Variants in A2ML1 observed in about 807,000 individuals in gnomAD.
A2ML1 encodes the protein alpha-2-macroglobulin-like protein 1.
A neutral mutation model predicts 181.9 loss-of-function variants in A2ML1; 161 were observed. That is an observed-to-expected ratio of 0.89 (90% CI 0.78 to 1.01). The LOEUF (loss-of-function observed/expected upper bound fraction) is 1.01, where lower values mean the gene tolerates loss of function less well. Among genes scored for constraint, A2ML1 ranks in the 50% least tolerant of loss-of-function variants. The pLI, the probability that A2ML1 is intolerant of heterozygous loss-of-function variation, is 0.00. For missense variants in A2ML1, 1,670 were observed against 1,768.1 expected (o/e 0.94, Z 1.00); for synonymous variants, 663 against 666.8 (o/e 0.99, Z 0.09).
At chr12:8,880,055 T>A (rs189541683), downstream of A2ML1, among the ~76,000 whole-genome samples, 43 of 152,194 alleles carry the variant, frequency 2.8e-4, no homozygotes, top group Non-Finnish European at 1.5e-5. Context: ...AAAAAAATGA[T>A]AGAAGAAAGC....
downstream of A2ML1, among the ~76,000 whole-genome samples, chr12:8,877,094 GCTAT>G (rs1204355607): frequency 6.6e-6 from 1 of 152,170 alleles, no homozygotes; most frequent in Non-Finnish European, 1.5e-5. Flanking sequence ...CCCCACATGG[GCTAT>G]CTATCACCTA....
chr12:8,849,186 TATC>T (rs1490544888), intron 16 of A2ML1, among the ~76,000 whole-genome samples: 7 of 152,272 alleles, frequency 4.6e-5, no homozygotes, highest in Admixed American at 2.0e-4. Context: ...AGAGGTCTCT[TATC>T]ATTATTATAA....
chr12:8,851,015 A>G (rs891196534), intron 18 of A2ML1, among the ~76,000 whole-genome samples: 2 of 152,220 alleles, frequency 1.3e-5, no homozygotes, highest in African/African-American at 4.8e-5. Flanking sequence ...TTGGGATTAC[A>G]GGTGTGAGCC....
chr12:8,841,316 A>C (rs1943471559), intron 10 of A2ML1, 53 bp from the exon 11 acceptor site: 1 of 1,546,120 alleles, frequency 6.5e-7, no homozygotes, highest in Non-Finnish European at 8.8e-7. Context: ...TTTACCTCAT[A>C]CTCAAGCTTA....
rs1944369007 is a variant in A2ML1, at chr12:8,864,258, ATCG to A, written c.3717+251_3717+253del. ...CCGGGCATGGTGGCTCATGCCTGTC[ATCG>A]CAGCACTTTGAGAGGCCGAGGCAGG... On this transcript the variant is annotated intron_variant, in intron 29 of 35. Coordinates refer to ENST00000299698, the MANE Select transcript of A2ML1 (RefSeq NM_144670.6). 2.9e-5 allele frequency among the ~76,000 whole-genome samples: 4 copies of A among 136,042 alleles called. No individual in the cohort carries two copies. In the East Asian group the frequency reaches 8.8e-4, roughly 30 times the overall value. 89.2% of individuals were successfully genotyped at this position (136,042 alleles called of 152,430 possible). A position where few individuals can be genotyped will look rare whatever the true frequency, so the allele number is the denominator to read the frequency against.
intron 12 of A2ML1, 65 bp from the exon 13 acceptor site, chr12:8,845,377 G>A (rs1410228128): frequency 5.8e-6 from 9 of 1,558,698 alleles, no homozygotes; most frequent in Non-Finnish European, 7.1e-6. Flanking sequence ...AGATGCTCTG[G>A]AAGTTGGTCC....
chr12:8,887,439 C>T (rs186366899), downstream of A2ML1, among the ~76,000 whole-genome samples: 17 of 152,258 alleles, frequency 1.1e-4, no homozygotes, highest in Admixed American at 7.9e-4. Flanking sequence ...GATAGATAAG[C>T]ATGAGTCGCA....
chr12:8,839,145 A>G lies in A2ML1; in HGVS notation c.1003A>G (p.Ile335Val). ...VEANATQNIYISPQMGSMTFE... is the reference protein window; with the variant it reads ...VEANATQNIYVSPQMGSMTFE... Reference sequence around the variant, plus strand: ...GGCCAATGCCACTCAGAATATCTACATTTCTCCACAAATGGGATCAATGAC... The same window carrying G: ...GGCCAATGCCACTCAGAATATCTACGTTTCTCCACAAATGGGATCAATGAC... Residue 335 changes from isoleucine (I) to valine (V), a missense_variant, in exon 10 of 36, where the codon ATT (isoleucine) becomes GTT (valine). Physicochemically the swap from Ile to Val is conservative, Grantham distance 29. Coordinates refer to ENST00000299698, the MANE Select transcript of A2ML1 (RefSeq NM_144670.6). 1.2e-6 allele frequency: 2 copies of G among 1,613,462 alleles called. No individual in the cohort carries two copies. The highest frequency in any genetic ancestry group is 1.7e-6 in the Non-Finnish European group (2 of 1,179,630).
intron 10 of A2ML1, among the ~76,000 whole-genome samples, chr12:8,839,955 C>T (rs1485584676): frequency 6.6e-6 from 1 of 152,082 alleles, no homozygotes; most frequent in Non-Finnish European, 1.5e-5. Context: ...CCATGTTGGT[C>T]AGGCTGGTCT....
At chr12:8,874,858 C>T (rs762547624) in intron 34 of A2ML1, 113 bp from the exon 35 acceptor site, 12 of 984,372 alleles carry the variant, frequency 1.2e-5, no homozygotes, top group African/African-American at 1.1e-4. Flanking sequence ...TGAATATGCT[C>T]ATAACCTGTA....
At chr12:8,858,978 A>G (rs1258018597) in intron 26 of A2ML1, among the ~76,000 whole-genome samples, 4 of 152,048 alleles carry the variant, frequency 2.6e-5, no homozygotes, top group Non-Finnish European at 5.9e-5. Flanking sequence ...TCAATGAGCT[A>G]GGTATTGGTA....
intron 29 of A2ML1, 79 bp from the exon 30 acceptor site, chr12:8,867,763 T>G: frequency 7.9e-7 from 1 of 1,263,658 alleles, no homozygotes; most frequent in South Asian, 1.3e-5. Flanking sequence ...AACAACCAGA[T>G]GTGTGGGTTA....
At chr12:8,830,374 G>A (rs1001093059) in intron 4 of A2ML1, among the ~76,000 whole-genome samples, 1 of 150,926 alleles carries the variant, frequency 6.6e-6, no homozygotes, top group Non-Finnish European at 1.5e-5. Context: ...AAGAGTTTTC[G>A]CAAACTTCAA....
chr12:8,822,726 T>G lies in A2ML1; in HGVS notation c.62+13T>G. The G allele has an allele frequency of 6.2e-7, 1 of 1,613,910 alleles. No homozygotes were observed. ...CAGAAGAACTTCCGTGAGTGCTTGG[T>G]GTCAGAATTGGTTTATTAGGGCAGC... On this transcript the variant is annotated intron_variant, in intron 1 of 35. Coordinates refer to ENST00000299698, the MANE Select transcript of A2ML1 (RefSeq NM_144670.6).
downstream of A2ML1, chr12:8,876,853 T>C (rs187777171): frequency 3.5e-3 from 535 of 152,272 alleles, 5 homozygotes; most frequent in African/African-American, 0.012. Flanking sequence ...GATCATCCTT[T>C]CCCCCAAAAC....
intron 10 of A2ML1, among the ~76,000 whole-genome samples, chr12:8,840,978 AGAAG>A (rs71045213): frequency 0.14 from 17,543 of 125,352 alleles, 1,356 homozygotes; most frequent in Non-Finnish European, 0.17. Context: ...AAGGAAGGAA[AGAAG>A]GAAGGAAGGA....
chr12:8,855,681 C>A, intron 23 of A2ML1, 89 bp downstream of exon 23: 1 of 1,225,326 alleles, frequency 8.2e-7, no homozygotes, highest in Non-Finnish European at 1.2e-6. Context: ...CGGACCTATC[C>A]GGAGAGTGTA....
In A2ML1 at chr12:8,824,232, T is replaced by TG. The variant is rs544695837; in HGVS notation, c.409+350_409+351insG. ...GCTTGAGCTACTGGGGTTTTTTTTT[T>TG]TTTTTTTTTTTTTTTTTGTATTTGT... On this transcript the variant is annotated intron_variant, in intron 3 of 35. Coordinates refer to ENST00000299698, the MANE Select transcript of A2ML1 (RefSeq NM_144670.6). Among the ~76,000 whole-genome samples, 251 of 147,908 alleles carry TG rather than the reference T, an allele frequency of 1.7e-3. 6 individuals carry two copies. In the South Asian group the frequency reaches 0.026, roughly 15 times the overall value.
rs1389537493 is a variant in A2ML1, at chr12:8,874,799, A to G, written c.4325-172A>G. ...TTCTATTATTTTTGGTATGATTAAT[A>G]GTTTGTCACAATGTACAAATATTAG... On this transcript the variant is annotated intron_variant, in intron 34 of 35. Coordinates refer to ENST00000299698, the MANE Select transcript of A2ML1 (RefSeq NM_144670.6). Among the ~76,000 whole-genome samples, 4 of 152,222 alleles carry G rather than the reference A, an allele frequency of 2.6e-5. 1 individual carries two copies. Among genetic ancestry groups the G allele is most frequent in the Admixed American group, 1.3e-4 (2 of 15,280 alleles).
Sources: gnomAD v4.1 joint callset for allele counts (sites outside exome capture counted in the v4.1 genomes callset) on GRCh38, gnomAD v4.1.1 for gene constraint, MANE v1.5 for transcripts, NCBI Gene and HGNC (gene_info 2026-07-23, HGNC 2026-07-21) for gene names.